PM20D2: variants seen among roughly 807,000 people sequenced by gnomAD.
PM20D2 encodes xaa-Arg dipeptidase.
A neutral mutation model predicts 42.9 loss-of-function variants in PM20D2; 33 were observed. The ratio of observed to expected loss-of-function variants is 0.77; its 90% CI spans 0.58 to 1.03. The LOEUF (loss-of-function observed/expected upper bound fraction) is 1.03. PM20D2 is among the 50% of genes least tolerant of loss of function. The pLI, the probability that PM20D2 is intolerant of heterozygous loss-of-function variation, is 0.00. For synonymous variants in PM20D2, 250 were observed against 228.2 expected (o/e 1.10, Z -0.86); for missense variants, 548 against 557.0 (o/e 0.98, Z 0.16).
At chr6:89,150,029 C>A (rs1246034050) in intron 2 of PM20D2, among the ~76,000 whole-genome samples, 1 of 152,170 alleles carries the variant, frequency 6.6e-6, no homozygotes, top group Non-Finnish European at 1.5e-5. Context: ...GAAATTTCAA[C>A]CATAGTAGTA....
At chr6:89,111,514 C>T in the PM20D2 span, among the ~76,000 whole-genome samples, 1 of 152,158 alleles carries the variant, frequency 6.6e-6, no homozygotes, top group East Asian at 1.9e-4. Context: ...ATCCTCATAA[C>T]TTACTAAACT....
the PM20D2 span, among the ~76,000 whole-genome samples, chr6:89,120,689 C>T: frequency 6.6e-6 from 1 of 151,882 alleles, no homozygotes; most frequent in Non-Finnish European, 1.5e-5. Context: ...ATAAGAGAAT[C>T]TCCCCATCTC....
At chr6:89,118,083 C>CCGGTGG in the PM20D2 span, 1 of 129,168 alleles carries the variant, frequency 7.7e-6, no homozygotes, top group South Asian at 3.0e-4. Context: ...GACGCACGGG[C>CCGGTGG]CGGGGGCGGG....
At chr6:89,108,933 C>T in the PM20D2 span, among the ~76,000 whole-genome samples, 3 of 152,182 alleles carry the variant, frequency 2.0e-5, no homozygotes, top group Non-Finnish European at 4.4e-5. Context: ...TTATGACATA[C>T]TTTATTTCAT....
chr6:89,143,088 T>A (rs951958399), upstream of PM20D2, among the ~76,000 whole-genome samples: 7 of 152,262 alleles, frequency 4.6e-5, no homozygotes, highest in Admixed American at 2.6e-4. Flanking sequence ...CCTTTTTCTG[T>A]TTTCAAAAAC....
the PM20D2 span, chr6:89,107,187 T>C: frequency 1.2e-6 from 2 of 1,614,012 alleles, no homozygotes; most frequent in African/African-American, 1.3e-5. Flanking sequence ...GCGGCGAGTG[T>C]AGAAGTCAAG....
chr6:89,111,111 T>TGTC, the PM20D2 span, among the ~76,000 whole-genome samples: 9,355 of 143,188 alleles, frequency 0.065, 836 homozygotes, highest in African/African-American at 0.2. Flanking sequence ...AGACTTGTCT[T>TGTC]TTTTTTTTTT....
At chr6:89,126,577 G>C in the PM20D2 span, among the ~76,000 whole-genome samples, 1 of 151,294 alleles carries the variant, frequency 6.6e-6, no homozygotes, top group African/African-American at 2.4e-5. Context: ...CCAGCTACTC[G>C]GGTGGCAGAG....
chr6:89,129,945 A>G, the PM20D2 span, among the ~76,000 whole-genome samples: 1 of 151,936 alleles, frequency 6.6e-6, no homozygotes, highest in Admixed American at 6.6e-5. Flanking sequence ...TATATTACAC[A>G]AGCTGGTCTC....
the PM20D2 span, among the ~76,000 whole-genome samples, chr6:89,128,205 T>A: frequency 1.3e-5 from 2 of 152,212 alleles, no homozygotes; most frequent in Non-Finnish European, 2.9e-5. Context: ...TAAATTCTTT[T>A]CCTAGCAAAG....
the PM20D2 span, among the ~76,000 whole-genome samples, chr6:89,130,241 G>A: frequency 6.6e-6 from 1 of 151,930 alleles, no homozygotes; most frequent in South Asian, 2.1e-4. Flanking sequence ...GCATCACCAC[G>A]CGTGGCTATT....
At chr6:89,110,090 C>CAAA in the PM20D2 span, among the ~76,000 whole-genome samples, 5 of 145,540 alleles carry the variant, frequency 3.4e-5, no homozygotes, top group African/African-American at 1.3e-4. Context: ...GACTCTGTCT[C>CAAA]AAAAAAAAAA....
chr6:89,151,762 C>T (rs566646523), intron 2 of PM20D2, among the ~76,000 whole-genome samples: 8 of 152,182 alleles, frequency 5.3e-5, no homozygotes, highest in East Asian at 3.9e-4. Flanking sequence ...TAATCCTTCT[C>T]GTTTTTATAA....
At chr6:89,117,916 G>C in the PM20D2 span, 1 of 1,549,392 alleles carries the variant, frequency 6.5e-7, no homozygotes. Context: ...CTCCGGGTCT[G>C]CCCGCGGCCG....
chr6:89,102,212 T>C, the PM20D2 span, among the ~76,000 whole-genome samples: 1 of 152,064 alleles, frequency 6.6e-6, no homozygotes, highest in Non-Finnish European at 1.5e-5. Context: ...GGGGCGAGCT[T>C]GGCTCACTGC....
At chr6:89,106,954 T>C in the PM20D2 span, 59 of 622,886 alleles carry the variant, frequency 9.5e-5, no homozygotes, top group African/African-American at 8.9e-4. Flanking sequence ...GCTGGGTTTA[T>C]GCTTGGATTC....
Position 89,162,428 on chromosome 6 carries a change from A to C in PM20D2, c.*165A>C, listed in dbSNP as rs1196945689. 2 of 719,006 alleles carry C rather than the reference A, an allele frequency of 2.8e-6. No homozygotes were observed. The highest frequency in any genetic ancestry group is 2.5e-5 in the South Asian group (1 of 39,470). The allele number at this position is 719,006 out of a possible 1,614,324, so 44.5% of individuals were successfully genotyped here. Reference sequence around the variant, plus strand: ...AAACATATTAATTACCTCATATCTAAAGTGAAAATTTTTGCAAATCCGTAC... The same window carrying C: ...AAACATATTAATTACCTCATATCTACAGTGAAAATTTTTGCAAATCCGTAC... On this transcript the variant is annotated 3_prime_UTR_variant, in exon 7 of 7. Coordinates refer to ENST00000275072, the MANE Select transcript of PM20D2 (RefSeq NM_001010853.3).
the PM20D2 span, among the ~76,000 whole-genome samples, chr6:89,130,222 C>T: frequency 6.6e-6 from 1 of 151,944 alleles, no homozygotes; most frequent in Non-Finnish European, 1.5e-5. Context: ...TAGCTGGGAC[C>T]ACAGGCCTGC....
chr6:89,153,060 A>C lies in PM20D2; in HGVS notation c.632A>C (p.Tyr211Ser). 6.2e-7 allele frequency: 1 copy of C among 1,601,388 alleles called. No homozygotes were observed. Among genetic ancestry groups the C allele is most frequent in the East Asian group, 2.3e-5 (1 of 44,414 alleles). ...TTTCCTAGTGTGACTGTGAAATACT[A>C]TGGAAAAGCATCTCATTCTGCTTCT... ...MAEHDVTVKY[Y>S]GKASHSASYP... The change falls in exon 3 of 7, where the codon TAT (tyrosine) becomes TCT (serine). Residue 211 changes from tyrosine (Y) to serine (S), a missense_variant. Coordinates refer to ENST00000275072, the MANE Select transcript of PM20D2 (RefSeq NM_001010853.3).
Sources: gnomAD v4.1 joint callset for allele counts (sites outside exome capture counted in the v4.1 genomes callset) on GRCh38, gnomAD v4.1.1 for gene constraint, MANE v1.5 for transcripts, NCBI Gene and HGNC (gene_info 2026-07-23, HGNC 2026-07-21) for gene names.